Variants in PRDM2 observed in about 807,000 individuals in gnomAD.
PRDM2 encodes the protein PR/SET domain 2.
A neutral mutation model predicts 130.0 loss-of-function variants in PRDM2; 30 were observed. The ratio of observed to expected loss-of-function variants is 0.23; its 90% CI spans 0.17 to 0.31. PRDM2 has a LOEUF of 0.31. Among genes scored for constraint, PRDM2 ranks in the 10% least tolerant of loss-of-function variants. PRDM2 has a pLI of 1.00. For synonymous variants in PRDM2, 871 were observed against 782.4 expected (o/e 1.11, Z -1.89); for missense variants, 2,011 against 2,108.4 (o/e 0.95, Z 0.90).
At chr1:13,730,955 A>T in intron 2 of PRDM2, 45 bp from the exon 3 acceptor site, 24 of 1,228,308 alleles carry the variant, frequency 2.0e-5, no homozygotes, top group Non-Finnish European at 2.2e-5. Flanking sequence ...CCATGATTTG[A>T]GTTTTCTTTC....
intron 9 of PRDM2, among the ~76,000 whole-genome samples, chr1:13,818,447 T>G (rs1385649092): frequency 2.0e-5 from 3 of 149,684 alleles, no homozygotes; most frequent in Non-Finnish European, 4.4e-5. Context: ...GGCGCGATCT[T>G]GACTCACTGC....
At position 13,781,733 on chromosome 1, in the gene PRDM2, T is replaced by C. The variant is rs1205830814; in HGVS notation, c.3938T>C (p.Ile1313Thr). The C allele has an allele frequency of 6.2e-7, 1 of 1,614,024 alleles. No homozygotes were observed. The highest frequency in any genetic ancestry group is 2.2e-5 in the East Asian group (1 of 44,892). Residue 1313 changes from isoleucine to threonine, a missense_variant, in exon 8 of 10, where the codon ATT (isoleucine) becomes ACT (threonine). Transcript: ENST00000311066. This position sits in a 1 kb window ranked among gnomAD's most constrained non-coding sequence, Gnocchi z 6.1. ...FQYHHRNPMGIGVTATNFTTH... is the reference protein window; with the variant it reads ...FQYHHRNPMGTGVTATNFTTH... ...TACCATCACCGTAACCCCATGGGGA[T>C]TGGTGTGACAGCCACAAATTTCACT...
At chr1:13,768,825 T>G (rs927804893) in intron 6 of PRDM2, among the ~76,000 whole-genome samples, 18 of 152,298 alleles carry the variant, frequency 1.2e-4, no homozygotes, top group African/African-American at 4.3e-4. Context: ...AATTGATCCA[T>G]TAAGTGGCAG....
chr1:13,820,027 G>T (rs1051871544), intron 9 of PRDM2, among the ~76,000 whole-genome samples: 1 of 152,182 alleles, frequency 6.6e-6, no homozygotes, highest in Non-Finnish European at 1.5e-5. Context: ...TTTAGTTCAG[G>T]AAGGTGTGTG....
At chr1:13,815,916 C>T (rs988254345) in intron 8 of PRDM2, among the ~76,000 whole-genome samples, 4 of 152,182 alleles carry the variant, frequency 2.6e-5, no homozygotes, top group African/African-American at 9.6e-5. Flanking sequence ...GGAGCTGCCT[C>T]CATTCCCCAC....
chr1:13,742,929 A>G (rs577497148), intron 5 of PRDM2, among the ~76,000 whole-genome samples: 3 of 151,960 alleles, frequency 2.0e-5, no homozygotes, highest in Non-Finnish European at 2.9e-5. Flanking sequence ...CTTTCTGCCA[A>G]ATTTTTCTTT....
At chr1:13,706,803 C>T (rs533431939) in intron 1 of PRDM2, among the ~76,000 whole-genome samples, 1 of 151,568 alleles carries the variant, frequency 6.6e-6, no homozygotes, top group Non-Finnish European at 1.5e-5. Flanking sequence ...AAAAAGCTTG[C>T]ATGTATGTAG....
chr1:13,767,529 C>G (rs1644256791), intron 6 of PRDM2, among the ~76,000 whole-genome samples: 1 of 150,868 alleles, frequency 6.6e-6, no homozygotes. Context: ...TGGTCTTGAG[C>G]CCCTAAGCTT....
intron 1 of PRDM2, among the ~76,000 whole-genome samples, chr1:13,713,586 A>G (rs1207237807): frequency 6.6e-6 from 1 of 152,246 alleles, no homozygotes; most frequent in Non-Finnish European, 1.5e-5. Flanking sequence ...AAAGCATTAT[A>G]GCTCTTTCCA....
rs772050482 is a variant in PRDM2 at position 13,781,009 on chromosome 1, TCTC to T, written c.3217_3219del (p.Pro1073del). 20 of 1,602,602 alleles carry T rather than the reference TCTC, an allele frequency of 1.2e-5. No homozygotes were observed. Among genetic ancestry groups the T allele is most frequent in the East Asian group, 2.2e-5 (1 of 44,836 alleles). ...GTTTTCTTCTTCATCTTCCTCCTCTTCTCCTTCTCCACCTCCTCTCTCCGCAAT... is the reference window on the plus strand; with the variant it reads ...GTTTTCTTCTTCATCTTCCTCCTCTTCTTCTCCACCTCCTCTCTCCGCAAT... On this transcript the variant is annotated inframe_deletion, in exon 8 of 10. Transcript: ENST00000311066. The surrounding 1 kb of genome is among the most constrained non-coding windows in gnomAD (Gnocchi z 6.1).
chr1:13,778,598 A>T lies in PRDM2; in HGVS notation c.803A>T (p.Glu268Val). 3 of 1,613,700 alleles carry T rather than the reference A, an allele frequency of 1.9e-6. No homozygotes were observed. The highest frequency in any genetic ancestry group is 2.5e-6 in the Non-Finnish European group (3 of 1,179,798). Reference sequence around the variant, plus strand: ...GCTTGTGAGGTGAATGATTTGGGGGAAGAGGAGGAGGAGGAAGAGGAGGAG... The same window carrying T: ...GCTTGTGAGGTGAATGATTTGGGGGTAGAGGAGGAGGAGGAAGAGGAGGAG... ...AAACEVNDLG[E>V]EEEEEEEEDE... The change falls in exon 8 of 10, where the codon GAA becomes GTA. Residue 268 changes from glutamate (E) to valine (V), a missense_variant. Physicochemically the swap from Glu to Val is moderately radical, Grantham distance 121. Coordinates refer to ENST00000311066, the MANE Select transcript of PRDM2 (RefSeq NM_001393986.1).
chr1:13,775,546 G>A (rs1339936669), intron 7 of PRDM2, among the ~76,000 whole-genome samples: 5 of 152,192 alleles, frequency 3.3e-5, no homozygotes, highest in Non-Finnish European at 5.9e-5. Flanking sequence ...GGCTGTTTCT[G>A]TTTGGAAACA....
At chr1:13,797,737 T>TG (rs1464377760) in intron 8 of PRDM2, among the ~76,000 whole-genome samples, 1 of 152,208 alleles carries the variant, frequency 6.6e-6, no homozygotes, top group African/African-American at 2.4e-5. Flanking sequence ...AAAAATCACC[T>TG]GGGTGATTAA....
At chr1:13,808,476 A>C (rs77492746) in intron 8 of PRDM2, among the ~76,000 whole-genome samples, 4 of 151,862 alleles carry the variant, frequency 2.6e-5, no homozygotes, top group Non-Finnish European at 5.9e-5. Flanking sequence ...AAAAAAAAAA[A>C]AAAAAAACAG....
intron 1 of PRDM2, among the ~76,000 whole-genome samples, chr1:13,712,133 AG>A (rs2100403540): frequency 6.6e-6 from 1 of 150,674 alleles, no homozygotes; most frequent in South Asian, 2.1e-4. Flanking sequence ...CTGAGGTGGG[AG>A]GATCACTTGA....
At chr1:13,813,427 A>C (rs1645206490) in intron 8 of PRDM2, among the ~76,000 whole-genome samples, 1 of 152,184 alleles carries the variant, frequency 6.6e-6, no homozygotes, top group South Asian at 2.1e-4. Flanking sequence ...CCCCCACGAC[A>C]TCCTGTCCCC....
At position 13,781,633 on chromosome 1, in the gene PRDM2, A is replaced by G. The variant is rs760416218; in HGVS notation, c.3838A>G (p.Ile1280Val). 1 of 1,613,882 alleles carries G rather than the reference A, an allele frequency of 6.2e-7. No individual in the cohort carries two copies. The highest frequency in any genetic ancestry group is 1.1e-5 in the South Asian group (1 of 91,080). The change falls in exon 8 of 10, where the codon ATA becomes GTA. Residue 1280 changes from isoleucine (I) to valine (V), a missense_variant. Ile to Val is a conservative substitution (Grantham distance 29). Around this residue, in one of 5 missense-constraint regions of PRDM2, gnomAD observed 229 missense variants for 364.1 expected, o/e 0.63. Transcript: ENST00000311066. The surrounding 1 kb of genome is among the most constrained non-coding windows in gnomAD (Gnocchi z 6.1). ...YTTIKIMASG[I>V]KTKDPDVRLG... is the part of the protein sequence containing the mutation. ...GACTATAAAAATAATGGCTTCTGGA[A>G]TAAAGACAAAAGATCCAGATGTTCG...
In PRDM2 at chr1:13,779,649, C is replaced by G; in HGVS notation, c.1854C>G (p.Val618=). 1.2e-6 allele frequency: 2 copies of G among 1,613,980 alleles called. No individual in the cohort carries two copies. Among genetic ancestry groups the G allele is most frequent in the South Asian group, 1.1e-5 (1 of 91,044 alleles). ...CTCAAAATATAAAGACCACACAGGTCCCTGTAACAGAAGATCTTCCTAAAG... is the reference window on the plus strand; with the variant it reads ...CTCAAAATATAAAGACCACACAGGTGCCTGTAACAGAAGATCTTCCTAAAG... ...EITQNIKTTQ[V]PVTEDLPKEP... The change falls in exon 8 of 10, where the codon GTC becomes GTG. Residue 618 remains valine, a synonymous_variant. Transcript: ENST00000311066. The surrounding 1 kb of genome is among the most constrained non-coding windows in gnomAD (Gnocchi z 4.9).
At chr1:13,722,783 G>A in intron 2 of PRDM2, 1 of 508,362 alleles carries the variant, frequency 2.0e-6, no homozygotes, top group Non-Finnish European at 3.9e-6. Context: ...CTTGAACGTT[G>A]ACAGTCTCTA....
Sources: allele counts gnomAD v4.1 joint callset (sites outside exome capture counted in the v4.1 genomes callset), GRCh38; gene constraint gnomAD v4.1.1; regional missense constraint gnomAD v4.1.1; non-coding constraint Gnocchi (gnomAD v3.1); transcripts MANE v1.5; gene names NCBI Gene and HGNC (gene_info 2026-07-23, HGNC 2026-07-21).